LHFPL3: variants seen among roughly 807,000 people sequenced by gnomAD.
The protein encoded by LHFPL3 is LHFPL tetraspan subfamily member 3 protein.
Under a neutral mutation model 19.3 loss-of-function variants are expected in LHFPL3, and 5 were observed. The ratio of observed to expected loss-of-function variants is 0.26; its 90% CI spans 0.14 to 0.54. The LOEUF is 0.54. Ranked by LOEUF, LHFPL3 falls within the 20% of genes least tolerant of loss-of-function variation. The pLI is 0.94. For synonymous variants in LHFPL3, 133 were observed against 126.2 expected (o/e 1.05, Z -0.36); for missense variants, 249 against 307.4 (o/e 0.81, Z 1.42).
At chr7:104,669,621 A>T (rs1178596042) in intron 1 of LHFPL3, 1 of 1,543,718 alleles carries the variant, frequency 6.5e-7, no homozygotes, top group Non-Finnish European at 8.9e-7. Flanking sequence ...TCCACCCTGG[A>T]ACATTCGAGA....
At chr7:104,896,453 G>T (rs1792362979) in intron 2 of LHFPL3, among the ~76,000 whole-genome samples, 1 of 152,178 alleles carries the variant, frequency 6.6e-6, no homozygotes, top group Non-Finnish European at 1.5e-5. Context: ...CAAAAGGTGA[G>T]CTCCATTAAC....
intron 2 of LHFPL3, among the ~76,000 whole-genome samples, chr7:104,794,877 A>G (rs1336065567): frequency 6.6e-6 from 1 of 152,220 alleles, no homozygotes; most frequent in Non-Finnish European, 1.5e-5. Flanking sequence ...TCCTTTGGAT[A>G]AGAAAATGAG....
chr7:104,589,651 CT>C (rs1159442300), intron 1 of LHFPL3, among the ~76,000 whole-genome samples: 3 of 152,244 alleles, frequency 2.0e-5, no homozygotes, highest in African/African-American at 7.2e-5. Context: ...AGGATTCCCT[CT>C]TTTTCTATTG....
At chr7:104,468,999 A>G (rs1040072504) in intron 1 of LHFPL3, among the ~76,000 whole-genome samples, 2 of 152,134 alleles carry the variant, frequency 1.3e-5, no homozygotes, top group African/African-American at 4.8e-5. Context: ...GAGGTGCTTT[A>G]TGGGGAAGAG....
chr7:104,557,295 A>G (rs1235000202), intron 1 of LHFPL3, among the ~76,000 whole-genome samples: 1 of 152,226 alleles, frequency 6.6e-6, no homozygotes, highest in Admixed American at 6.5e-5. Context: ...AAGAGGTTTA[A>G]TGGACTTACA....
chr7:104,636,052 C>T (rs1444610431), intron 1 of LHFPL3, among the ~76,000 whole-genome samples: 1 of 152,118 alleles, frequency 6.6e-6, no homozygotes, highest in Non-Finnish European at 1.5e-5. Context: ...TAATTCAAGA[C>T]AGGAAACAGA....
At chr7:104,853,358 C>T (rs1791446243) in intron 2 of LHFPL3, among the ~76,000 whole-genome samples, 1 of 152,168 alleles carries the variant, frequency 6.6e-6, no homozygotes, top group Non-Finnish European at 1.5e-5. Context: ...ACCCCCATGC[C>T]AGAGGGAGTG....
rs1790217565 is a variant in LHFPL3 at position 104,570,805 on chromosome 7, A to C, written c.446-165870A>C. ...CACTCAGGAATTAAGCCCAGTACCC[A>C]ACAGTTATCTTTTCTGCTCTTCTCC... On this transcript the variant is annotated intron_variant, in intron 1 of 2. Transcript: ENST00000424859. Among the ~76,000 whole-genome samples the C allele has an allele frequency of 2.0e-5, 3 of 152,306 alleles. No individual in the cohort carries two copies. The South Asian group carries it at 6.2e-4, about 32-fold the overall frequency.
chr7:104,660,986 G>A (rs1463634172), intron 1 of LHFPL3, among the ~76,000 whole-genome samples: 4 of 152,156 alleles, frequency 2.6e-5, no homozygotes, highest in Non-Finnish European at 5.9e-5. Flanking sequence ...GCTGCTGCTT[G>A]CTGGTGATGT....
intron 1 of LHFPL3, among the ~76,000 whole-genome samples, chr7:104,526,021 C>T (rs965241804): frequency 6.6e-6 from 1 of 152,124 alleles, no homozygotes; most frequent in Non-Finnish European, 1.5e-5. Context: ...TCCTTCTCTA[C>T]TTGGCAGCCC....
intron 2 of LHFPL3, among the ~76,000 whole-genome samples, chr7:104,775,406 T>C (rs1365095640): frequency 2.0e-5 from 3 of 152,186 alleles, no homozygotes; most frequent in African/African-American, 4.8e-5. Flanking sequence ...CATCAATCAA[T>C]CAATCAATAC....
chr7:104,861,000 T>A (rs1791609362), intron 2 of LHFPL3, among the ~76,000 whole-genome samples: 1 of 152,236 alleles, frequency 6.6e-6, no homozygotes, highest in African/African-American at 2.4e-5. Flanking sequence ...TCTTGTGCTT[T>A]CCACTGTCGC....
At chr7:104,873,222 A>G (rs1791869623) in intron 2 of LHFPL3, among the ~76,000 whole-genome samples, 1 of 152,228 alleles carries the variant, frequency 6.6e-6, no homozygotes, top group Non-Finnish European at 1.5e-5. Context: ...AAACTTTTCA[A>G]AAGAAGGCAA....
At chr7:104,438,166 G>T (rs138554416) in intron 1 of LHFPL3, among the ~76,000 whole-genome samples, 1 of 152,194 alleles carries the variant, frequency 6.6e-6, no homozygotes, top group Non-Finnish European at 1.5e-5. Flanking sequence ...GGAGCTCTGT[G>T]CCAGGAACTA....
At chr7:104,817,471 C>T in intron 2 of LHFPL3, among the ~76,000 whole-genome samples, 1 of 152,200 alleles carries the variant, frequency 6.6e-6, no homozygotes, top group Non-Finnish European at 1.5e-5. Flanking sequence ...CAACCTTCCC[C>T]TTCAATACAG....
At chr7:104,603,071 T>A (rs1174947104) in intron 1 of LHFPL3, among the ~76,000 whole-genome samples, 1 of 32,148 alleles carries the variant, frequency 3.1e-5, no homozygotes, top group East Asian at 1.6e-3. Flanking sequence ...TTTCTTTTTC[T>A]TTCTTTCTTT....
intron 1 of LHFPL3, among the ~76,000 whole-genome samples, chr7:104,343,058 T>G (rs1562869712): frequency 6.6e-6 from 1 of 151,134 alleles, no homozygotes; most frequent in Non-Finnish European, 1.5e-5. Flanking sequence ...AGGTGGTCCC[T>G]ATACACTAAA....
At chr7:104,870,894 G>A (rs997950956) in intron 2 of LHFPL3, among the ~76,000 whole-genome samples, 1 of 152,146 alleles carries the variant, frequency 6.6e-6, no homozygotes, top group African/African-American at 2.4e-5. Context: ...GATCTCAACT[G>A]TAACCTCTCA....
At chr7:104,445,289 A>T (rs1056834630) in intron 1 of LHFPL3, among the ~76,000 whole-genome samples, 1 of 152,142 alleles carries the variant, frequency 6.6e-6, no homozygotes, top group African/African-American at 2.4e-5. Flanking sequence ...TATGGTACAG[A>T]CATAAGAGTC....
Sources: gnomAD v4.1 joint callset for allele counts (sites outside exome capture counted in the v4.1 genomes callset) on GRCh38, gnomAD v4.1.1 for gene constraint, MANE v1.5 for transcripts, NCBI Gene and HGNC (gene_info 2026-07-23, HGNC 2026-07-21) for gene names.